SLCO3A1: variants seen among roughly 807,000 people sequenced by gnomAD.
SLCO3A1 encodes solute carrier organic anion transporter family member 3A1.
In SLCO3A1, 27 loss-of-function variants were observed where a neutral mutation model predicts 63.1. The ratio of observed to expected loss-of-function variants is 0.43; its 90% CI spans 0.32 to 0.59. SLCO3A1 has a LOEUF of 0.59. Ranked by LOEUF, SLCO3A1 falls within the 20% of genes least tolerant of loss-of-function variation. SLCO3A1 has a pLI of 0.09. For missense variants in SLCO3A1, 773 were observed against 945.8 expected, an observed-to-expected ratio of 0.82 and a Z score of 2.40; for synonymous variants, 473 against 409.9, an observed-to-expected ratio of 1.15 and a Z score of -1.86.
At position 92,163,137 on chromosome 15, in the gene SLCO3A1, G is replaced by T; in HGVS notation, c.*2G>T. The T allele has an allele frequency of 6.7e-7, 1 of 1,502,742 alleles. No individual in the cohort carries two copies. The highest frequency in any genetic ancestry group is 1.4e-5 in the South Asian group (1 of 72,342). 93.1% of individuals were successfully genotyped at this position (1,502,742 alleles called of 1,614,324 possible). A position where few individuals can be genotyped will look rare whatever the true frequency, so the allele number is the denominator to read the frequency against. On this transcript the variant is annotated 3_prime_UTR_variant, in exon 10 of 10. Coordinates refer to ENST00000318445, the MANE Select transcript of SLCO3A1 (RefSeq NM_013272.4). ...GAAAACATGGAGTCCGTTTTATAGTGACTAAAGGAGGGCTGAACTCTGTAT... is the reference window on the plus strand; with the variant it reads ...GAAAACATGGAGTCCGTTTTATAGTTACTAAAGGAGGGCTGAACTCTGTAT...
intron 7 of SLCO3A1, among the ~76,000 whole-genome samples, chr15:92,138,130 C>A (rs1234125191): frequency 8.6e-6 from 1 of 116,946 alleles, no homozygotes; most frequent in Non-Finnish European, 1.7e-5. Context: ...AGTCTTTAAT[C>A]CATCTTGAAT....
intron 4 of SLCO3A1, among the ~76,000 whole-genome samples, chr15:92,117,641 A>T (rs1300920753): frequency 6.6e-6 from 1 of 152,232 alleles, no homozygotes; most frequent in Non-Finnish European, 1.5e-5. Flanking sequence ...TACTGTTCTT[A>T]CTACATTGTG....
At chr15:92,050,794 A>G (rs1160415890) in intron 2 of SLCO3A1, among the ~76,000 whole-genome samples, 2 of 152,204 alleles carry the variant, frequency 1.3e-5, no homozygotes, top group Non-Finnish European at 2.9e-5. Flanking sequence ...CACAACTGGG[A>G]GAGCCTGCCT....
chr15:92,042,485 C>T (rs969257136), intron 2 of SLCO3A1, among the ~76,000 whole-genome samples: 1 of 152,182 alleles, frequency 6.6e-6, no homozygotes, highest in African/African-American at 2.4e-5. Flanking sequence ...CATCTACCTG[C>T]TGAACACTTA....
chr15:92,013,145 G>A (rs1488742083), intron 2 of SLCO3A1, among the ~76,000 whole-genome samples: 2 of 152,230 alleles, frequency 1.3e-5, no homozygotes, highest in Non-Finnish European at 1.5e-5. Flanking sequence ...GGCAGACCTT[G>A]AAGCTAGGGG....
chr15:92,158,463 G>C (rs1360031543), intron 9 of SLCO3A1, among the ~76,000 whole-genome samples: 1 of 152,178 alleles, frequency 6.6e-6, no homozygotes, highest in Non-Finnish European at 1.5e-5. Flanking sequence ...AAATAAGGTG[G>C]GGCAGGGGGA....
chr15:92,076,695 C>T (rs564986578), intron 2 of SLCO3A1, among the ~76,000 whole-genome samples: 33 of 152,332 alleles, frequency 2.2e-4, no homozygotes, highest in African/African-American at 7.9e-4. Flanking sequence ...GCAATCCCCA[C>T]CAGTCAGCAC....
intron 2 of SLCO3A1, among the ~76,000 whole-genome samples, chr15:91,936,106 A>T (rs1899404465): frequency 1.3e-5 from 2 of 152,170 alleles, no homozygotes; most frequent in Admixed American, 6.5e-5. Flanking sequence ...TTCCTCCCAG[A>T]TACAACGGGA....
chr15:92,040,179 C>A (rs1009967622), intron 2 of SLCO3A1, among the ~76,000 whole-genome samples: 2 of 152,124 alleles, frequency 1.3e-5, no homozygotes, highest in Non-Finnish European at 2.9e-5. Flanking sequence ...CAAACCTACA[C>A]GTTCTGCACT....
intron 2 of SLCO3A1, among the ~76,000 whole-genome samples, chr15:92,061,746 A>G (rs1409093151): frequency 2.0e-5 from 3 of 152,212 alleles, no homozygotes; most frequent in African/African-American, 7.2e-5. Context: ...AAAACAGGCC[A>G]GAAGGACCAG....
rs540395671 is a variant in SLCO3A1 at position 92,033,296 on chromosome 15, C to G, written c.647-61585C>G. 4.9e-4 allele frequency among the ~76,000 whole-genome samples: 75 copies of G among 152,268 alleles called. 2 individuals carry two copies. The South Asian group carries it at 0.015, about 31-fold the overall frequency. On this transcript the variant is annotated intron_variant, in intron 2 of 9. Coordinates refer to ENST00000318445, the MANE Select transcript of SLCO3A1 (RefSeq NM_013272.4). The surrounding 1 kb of genome is among the most constrained non-coding windows in gnomAD (Gnocchi z 4.5). ...GCACCTGCAAGTGTGGAAATGGACA[C>G]GGATGTCCTCTTAGTATTTCTGCCC... is the stretch of plus-strand genomic sequence containing the variant.
intron 2 of SLCO3A1, among the ~76,000 whole-genome samples, chr15:91,917,263 C>G (rs1175246914): frequency 6.6e-6 from 1 of 152,200 alleles, no homozygotes; most frequent in Admixed American, 6.5e-5. Context: ...TCCCCAGTCA[C>G]TGAGTGCTAA....
intron 3 of SLCO3A1, among the ~76,000 whole-genome samples, 158 bp downstream of exon 3, chr15:92,095,137 G>A (rs956805032): frequency 2.0e-5 from 3 of 152,150 alleles, no homozygotes; most frequent in Non-Finnish European, 2.9e-5. Flanking sequence ...ATGAAAGAAC[G>A]TGAGTGTTGG....
chr15:92,156,544 C>G (rs2048373804), intron 9 of SLCO3A1, among the ~76,000 whole-genome samples: 2 of 152,156 alleles, frequency 1.3e-5, no homozygotes, highest in Admixed American at 6.5e-5. Context: ...AACAAGGGGT[C>G]CAGGAATGAA....
At chr15:92,059,595 C>G (rs573390994) in intron 2 of SLCO3A1, among the ~76,000 whole-genome samples, 14 of 152,254 alleles carry the variant, frequency 9.2e-5, no homozygotes, top group African/African-American at 2.9e-4. Context: ...GACCAGATGG[C>G]ACACGAGGAG....
intron 1 of SLCO3A1, among the ~76,000 whole-genome samples, chr15:91,914,600 C>G (rs1037653504): frequency 7.3e-6 from 1 of 137,792 alleles, no homozygotes; most frequent in African/African-American, 2.7e-5. Flanking sequence ...AGCAAGGTCT[C>G]GCTCTGTTGC....
At chr15:91,911,489 G>A (rs904935573) in intron 1 of SLCO3A1, among the ~76,000 whole-genome samples, 1 of 152,164 alleles carries the variant, frequency 6.6e-6, no homozygotes, top group African/African-American at 2.4e-5. Context: ...TACTGCCAAT[G>A]AAGGTTGAGA....
chr15:92,171,956 AC>A (rs2048524238), exon 11 of SLCO3A1: 1 of 898,130 alleles, frequency 1.1e-6, no homozygotes, highest in Admixed American at 2.0e-5. Flanking sequence ...CTGTCCGAGA[AC>A]CCGAGGGTCC....
rs554915476 is a variant in SLCO3A1 at position 91,914,897 on chromosome 15, AATC to A, written c.181-1093_181-1091del. Among the ~76,000 whole-genome samples the A allele has an allele frequency of 1.4e-4, 21 of 152,192 alleles. No individual in the cohort carries two copies. In the South Asian group the frequency reaches 4.4e-3, roughly 32 times the overall value. On this transcript the variant is annotated intron_variant, in intron 1 of 9. Transcript: ENST00000318445. ...CCAGCTATTTTCTCTTCCATGATGA[AATC>A]ATGCCACCTATCTTTGGCTCATGCT...
Sources: allele counts gnomAD v4.1 joint callset (sites outside exome capture counted in the v4.1 genomes callset), GRCh38; gene constraint gnomAD v4.1.1; non-coding constraint Gnocchi (gnomAD v3.1); transcripts MANE v1.5; gene names NCBI Gene and HGNC (gene_info 2026-07-23, HGNC 2026-07-21).